Variants in RIMS2 observed in about 807,000 individuals in gnomAD.
RIMS2 encodes regulating synaptic membrane exocytosis 2.
Under a neutral mutation model 174.4 loss-of-function variants are expected in RIMS2, and 59 were observed. The ratio of observed to expected loss-of-function variants is 0.34; its 90% CI spans 0.27 to 0.42. RIMS2 has a LOEUF of 0.42. RIMS2 is among the 10% of genes least tolerant of loss of function. RIMS2 has a pLI of 1.00. For synonymous variants in RIMS2, 606 were observed against 572.5 expected, an observed-to-expected ratio of 1.06 and a Z score of -0.84; for missense variants, 1,620 against 1,666.3, an observed-to-expected ratio of 0.97 and a Z score of 0.48.
intron 1 of RIMS2, among the ~76,000 whole-genome samples, chr8:103,512,277 G>T (rs767787835): frequency 1.3e-5 from 2 of 152,202 alleles, no homozygotes; most frequent in Non-Finnish European, 2.9e-5. Context: ...AAGGAGAAAT[G>T]GTGACAGTCC....
Position 103,733,803 on chromosome 8 carries a change from G to A in RIMS2, c.388-32424G>A, listed in dbSNP as rs150209848. 7.2e-3 allele frequency among the ~76,000 whole-genome samples: 1,090 copies of A among 152,262 alleles called. 6 individuals carry two copies. Among genetic ancestry groups the A allele is most frequent in the Non-Finnish European group, 9.7e-3 (657 of 68,006 alleles). Reference sequence around the variant, plus strand: ...GTTGCTGCTGTGGACTTGGGGAGGGGTGGTGTAGGTGATTTAAGATGGTCT... The same window carrying A: ...GTTGCTGCTGTGGACTTGGGGAGGGATGGTGTAGGTGATTTAAGATGGTCT... On this transcript the variant is annotated intron_variant, in intron 2 of 23. Coordinates refer to ENST00000504942, the Ensembl canonical transcript of RIMS2.
At chr8:103,757,010 T>TGA (rs375031125) in intron 2 of RIMS2, among the ~76,000 whole-genome samples, 444 of 114,340 alleles carry the variant, frequency 3.9e-3, no homozygotes, top group South Asian at 0.012. Context: ...TGTGTGTGTG[T>TGA]GAGAGAGAGA....
At chr8:104,096,457 C>G (rs1262870008) in intron 19 of RIMS2, among the ~76,000 whole-genome samples, 1 of 152,166 alleles carries the variant, frequency 6.6e-6, no homozygotes, top group East Asian at 1.9e-4. Flanking sequence ...AAGCACTACA[C>G]TTAGCTTAAG....
intron 19 of RIMS2, among the ~76,000 whole-genome samples, chr8:104,130,639 A>G (rs2098466884): frequency 6.6e-6 from 1 of 152,136 alleles, no homozygotes; most frequent in Non-Finnish European, 1.5e-5. Flanking sequence ...GGAAGATAAG[A>G]GCAAATTGGC....
intron 15 of RIMS2, among the ~76,000 whole-genome samples, chr8:103,967,462 G>A (rs537212205): frequency 3.9e-5 from 6 of 151,978 alleles, no homozygotes; most frequent in Admixed American, 3.9e-4. Flanking sequence ...CCACAGTGCT[G>A]GGATTATGGG....
At chr8:103,669,639 C>G (rs2096720435) in intron 1 of RIMS2, among the ~76,000 whole-genome samples, 1 of 152,178 alleles carries the variant, frequency 6.6e-6, no homozygotes, top group South Asian at 2.1e-4. Context: ...GGGCTACAGG[C>G]CCCATGCAAG....
intron 19 of RIMS2, among the ~76,000 whole-genome samples, chr8:104,109,809 A>G (rs16870937): frequency 0.19 from 28,935 of 152,188 alleles, 2,806 homozygotes; most frequent in South Asian, 0.31. Flanking sequence ...GTAATAGGGT[A>G]GAGATTGTGG....
rs186211895 is a variant in RIMS2, at chr8:104,041,313, G to A, written c.3334+26698G>A. The stretch of plus-strand genomic sequence containing the variant: ...CTTTGTCTATGTCTGTCCATTACAC[G>A]ATGTGATCACAGAAGAACTGGACTC... On this transcript the variant is annotated intron_variant, in intron 19 of 23. Transcript: ENST00000504942. The A allele has an allele frequency of 1.2e-5, 8 of 694,400 alleles. No individual in the cohort carries two copies. In the African/African-American group the frequency reaches 1.4e-4, roughly 12 times the overall value. The allele number at this position is 694,400 out of a possible 1,614,324, so 43.0% of individuals were successfully genotyped here.
rs981094524 is a variant in RIMS2, at chr8:104,133,654, A to T, written c.3335-111262A>T. Among the ~76,000 whole-genome samples, 3 of 152,298 alleles carry T rather than the reference A, an allele frequency of 2.0e-5. No individual in the cohort carries two copies. In the South Asian group the frequency reaches 6.2e-4, roughly 32 times the overall value. On this transcript the variant is annotated intron_variant, in intron 19 of 23. Transcript: ENST00000504942. Reference sequence around the variant, plus strand: ...TGCAGTTGAAACATAAGCATGTAGGATGCTGTTGCAGTAGAGAGTGGCATG... The same window carrying T: ...TGCAGTTGAAACATAAGCATGTAGGTTGCTGTTGCAGTAGAGAGTGGCATG...
At chr8:103,949,878 A>G (rs557997744) in intron 14 of RIMS2, among the ~76,000 whole-genome samples, 63 of 152,186 alleles carry the variant, frequency 4.1e-4, no homozygotes, top group Non-Finnish European at 7.9e-4. Context: ...TATAATTGAT[A>G]AGCCTTTAGG....
At chr8:103,532,377 T>C (rs942318385) in intron 1 of RIMS2, among the ~76,000 whole-genome samples, 2 of 152,194 alleles carry the variant, frequency 1.3e-5, no homozygotes, top group Non-Finnish European at 2.9e-5. Flanking sequence ...AACTTTTGAT[T>C]AAAACAATAG....
intron 2 of RIMS2, among the ~76,000 whole-genome samples, chr8:103,718,253 A>G (rs1377682467): frequency 6.6e-6 from 1 of 152,230 alleles, no homozygotes; most frequent in Non-Finnish European, 1.5e-5. Context: ...AGGGGCAGCT[A>G]GATAGGTTAA....
At chr8:103,834,177 T>G (rs1246719808) in intron 3 of RIMS2, among the ~76,000 whole-genome samples, 2 of 151,980 alleles carry the variant, frequency 1.3e-5, no homozygotes, top group African/African-American at 4.8e-5. Flanking sequence ...TTTAAAAAAT[T>G]TTTTGTAGAG....
chr8:103,913,779 A>G (rs1359520732), intron 6 of RIMS2, among the ~76,000 whole-genome samples: 3 of 152,096 alleles, frequency 2.0e-5, no homozygotes, highest in African/African-American at 7.2e-5. Context: ...AAGGTGCCAC[A>G]TAGGTTTAAA....
intron 1 of RIMS2, among the ~76,000 whole-genome samples, chr8:103,548,943 C>T (rs910993087): frequency 6.6e-6 from 1 of 151,908 alleles, no homozygotes; most frequent in Non-Finnish European, 1.5e-5. Context: ...AATAAAATAC[C>T]TAGGAATACA....
Position 104,184,934 on chromosome 8 carries a change from AAG to A in RIMS2, c.3335-59978_3335-59977del, listed in dbSNP as rs952700790. ...GCAAAAATTTATAATAGGGAAGAAAAAGAGAAATTTATGGTCTATGGAATGCT... is the reference window on the plus strand; with the variant it reads ...GCAAAAATTTATAATAGGGAAGAAAAAGAAATTTATGGTCTATGGAATGCT... On this transcript the variant is annotated intron_variant, in intron 19 of 23. Coordinates refer to ENST00000504942, the Ensembl canonical transcript of RIMS2. 1.5e-4 allele frequency among the ~76,000 whole-genome samples: 6 copies of A among 40,962 alleles called. No individual in the cohort carries two copies. In the African/African-American group the frequency reaches 1.5e-3, roughly 10 times the overall value. The allele number at this position is 40,962 out of a possible 152,430, so 26.9% of individuals were successfully genotyped here.
intron 19 of RIMS2, among the ~76,000 whole-genome samples, chr8:104,076,177 C>A (rs1598315313): frequency 6.6e-6 from 1 of 152,114 alleles, no homozygotes; most frequent in East Asian, 1.9e-4. Context: ...CTTATCAAGG[C>A]CTGATTAAAG....
intron 19 of RIMS2, among the ~76,000 whole-genome samples, chr8:104,169,985 T>C (rs1383262781): frequency 6.6e-6 from 1 of 152,112 alleles, no homozygotes; most frequent in South Asian, 2.1e-4. Flanking sequence ...AGTGTTCCTT[T>C]TGGAGTTGAT....
At chr8:104,236,224 A>C (rs76306747) in intron 19 of RIMS2, among the ~76,000 whole-genome samples, 2,868 of 152,154 alleles carry the variant, frequency 0.019, 81 homozygotes, top group African/African-American at 0.064. Flanking sequence ...ACTCCTAGGC[A>C]TGCTACATTT....
Sources: allele counts gnomAD v4.1 joint callset (sites outside exome capture counted in the v4.1 genomes callset), GRCh38; gene constraint gnomAD v4.1.1; transcripts MANE v1.5; gene names NCBI Gene and HGNC (gene_info 2026-07-23, HGNC 2026-07-21).